Variants in MAD1L1 observed in about 807,000 individuals in gnomAD.
MAD1L1 encodes mitotic spindle assembly checkpoint protein MAD1.
A neutral mutation model predicts 96.9 loss-of-function variants in MAD1L1; 95 were observed. The ratio of observed to expected loss-of-function variants is 0.98; its 90% CI spans 0.83 to 1.16. The LOEUF (loss-of-function observed/expected upper bound fraction) is 1.16. Ranked by LOEUF, MAD1L1 falls within the 50% of genes most tolerant of loss-of-function variation. The pLI is 0.00. For missense variants in MAD1L1, 1,007 were observed against 954.4 expected (o/e 1.06, Z -0.73); for synonymous variants, 473 against 396.6 (o/e 1.19, Z -2.29).
chr7:1,837,893 C>T (rs141451165), intron 18 of MAD1L1, among the ~76,000 whole-genome samples: 25 of 152,326 alleles, frequency 1.6e-4, no homozygotes, highest in African/African-American at 5.8e-4. Flanking sequence ...TCATCAATAA[C>T]GCAGACTCAG....
At chr7:2,121,261 C>A (rs950663684) in intron 11 of MAD1L1, among the ~76,000 whole-genome samples, 2 of 152,218 alleles carry the variant, frequency 1.3e-5, no homozygotes, top group Non-Finnish European at 2.9e-5. Flanking sequence ...AGAGGACAAG[C>A]CCAGATGCGG....
intron 10 of MAD1L1, among the ~76,000 whole-genome samples, chr7:2,150,019 T>C (rs568373642): frequency 2.0e-5 from 3 of 152,352 alleles, no homozygotes; most frequent in East Asian, 3.9e-4. Context: ...ATCCTTGTTC[T>C]TCTCTTCACC....
At chr7:2,048,243 G>A (rs1323845186) in intron 12 of MAD1L1, among the ~76,000 whole-genome samples, 1 of 152,198 alleles carries the variant, frequency 6.6e-6, no homozygotes, top group African/African-American at 2.4e-5. Flanking sequence ...CACCCTAGTC[G>A]GGCAGCGGGG....
In MAD1L1 at chr7:1,839,795, GC is replaced by G. The variant is rs1369905847; in HGVS notation, c.1999-23568del. Among the ~76,000 whole-genome samples the G allele has an allele frequency of 2.6e-5, 4 of 151,780 alleles. 1 individual carries two copies. The highest frequency in any genetic ancestry group is 6.8e-3 in the Middle Eastern group (2 of 294). Reference sequence around the variant, plus strand: ...AGAGACCATCTGGATGGAGGATGGGGCTGGTCCTGGCTTCTCACAGCTTGGG... The same window carrying G: ...AGAGACCATCTGGATGGAGGATGGGGTGGTCCTGGCTTCTCACAGCTTGGG... On this transcript the variant is annotated intron_variant, in intron 18 of 18. Transcript: ENST00000265854.
intron 17 of MAD1L1, among the ~76,000 whole-genome samples, chr7:1,908,619 C>A (rs1411466062): frequency 6.6e-6 from 1 of 152,252 alleles, no homozygotes; most frequent in South Asian, 2.1e-4. Flanking sequence ...TGTGTGCCTC[C>A]CACAGTGTTG....
intron 3 of MAD1L1, among the ~76,000 whole-genome samples, chr7:2,226,626 G>A (rs1337070839): frequency 2.0e-5 from 3 of 152,222 alleles, no homozygotes; most frequent in Non-Finnish European, 4.4e-5. Flanking sequence ...CCAGAGCCTT[G>A]CAGTGCAGCA....
intron 16 of MAD1L1, among the ~76,000 whole-genome samples, chr7:1,953,763 T>C (rs1036288216): frequency 6.6e-6 from 1 of 152,226 alleles, no homozygotes; most frequent in Non-Finnish European, 1.5e-5. Context: ...CTTTAAATGT[T>C]CATCATCAAA....
intron 16 of MAD1L1, among the ~76,000 whole-genome samples, chr7:1,946,797 G>A (rs1195771059): frequency 6.6e-6 from 1 of 152,374 alleles, no homozygotes; most frequent in Admixed American, 6.5e-5. Flanking sequence ...AGCGGTCTTG[G>A]AGGGGTCTGC....
At chr7:2,161,834 G>A (rs1367982091) in intron 10 of MAD1L1, among the ~76,000 whole-genome samples, 3 of 148,718 alleles carry the variant, frequency 2.0e-5, no homozygotes, top group African/African-American at 5.0e-5. Context: ...CTGACCGGCC[G>A]CCCTGTCTGG....
intron 17 of MAD1L1, among the ~76,000 whole-genome samples, chr7:1,913,233 TCC>T (rs2128451523): frequency 6.6e-6 from 1 of 151,858 alleles, no homozygotes; most frequent in African/African-American, 2.4e-5. Context: ...ACGGAACTGC[TCC>T]AGTAATTGGA....
At chr7:2,162,851 G>A (rs1790232144) in intron 10 of MAD1L1, among the ~76,000 whole-genome samples, 1 of 150,812 alleles carries the variant, frequency 6.6e-6, no homozygotes, top group Non-Finnish European at 1.5e-5. Context: ...TCGAACATGA[G>A]TCCATTAATT....
rs1162730051 is a variant in MAD1L1, at chr7:2,124,525, C to T, written c.1073+24627G>A. On this transcript the variant is annotated intron_variant, in intron 11 of 18. Transcript: ENST00000265854. Reference sequence around the variant, plus strand: ...GAGGGGACAGCCGGCCTGCATGTGGCCCACCCCAGCCAACAGAGGCAGACT... The same window carrying T: ...GAGGGGACAGCCGGCCTGCATGTGGTCCACCCCAGCCAACAGAGGCAGACT... 2.6e-5 allele frequency among the ~76,000 whole-genome samples: 4 copies of T among 152,322 alleles called. No homozygotes were observed. In the East Asian group the frequency reaches 7.7e-4, roughly 29 times the overall value.
chr7:2,182,218 A>G (rs1040584016), intron 10 of MAD1L1, among the ~76,000 whole-genome samples: 1 of 152,182 alleles, frequency 6.6e-6, no homozygotes, highest in African/African-American at 2.4e-5. Flanking sequence ...TTGTCCCACA[A>G]TAAGTCATTG....
chr7:1,865,783 G>A (rs1784750592), intron 18 of MAD1L1, among the ~76,000 whole-genome samples: 1 of 152,244 alleles, frequency 6.6e-6, no homozygotes, highest in South Asian at 2.1e-4. Context: ...CGGCTGCTAC[G>A]GGATCTACAG....
At chr7:2,015,935 G>A (rs1228641341) in intron 12 of MAD1L1, among the ~76,000 whole-genome samples, 1 of 152,260 alleles carries the variant, frequency 6.6e-6, no homozygotes, top group East Asian at 1.9e-4. Context: ...CTTGAGAGAT[G>A]GAGGATGAGG....
At chr7:1,993,405 A>G (rs1355887084) in intron 14 of MAD1L1, among the ~76,000 whole-genome samples, 2 of 152,236 alleles carry the variant, frequency 1.3e-5, no homozygotes, top group Non-Finnish European at 2.9e-5. Flanking sequence ...AGCTCCCTCT[A>G]AAGTTTACCG....
intron 10 of MAD1L1, among the ~76,000 whole-genome samples, chr7:2,170,635 G>A (rs1367161453): frequency 1.3e-5 from 2 of 152,184 alleles, no homozygotes; most frequent in African/African-American, 2.4e-5. Flanking sequence ...ATCCCTCCAA[G>A]TGCTGGAGTG....
chr7:2,217,985 C>T lies in MAD1L1; in HGVS notation c.655G>A (p.Ala219Thr). The T allele has an allele frequency of 1.2e-6, 2 of 1,614,082 alleles. No homozygotes were observed. The highest frequency in any genetic ancestry group is 1.3e-5 in the African/African-American group (1 of 75,026). Reference protein sequence around the residue: ...QELQASQEARADHEQQIKDLE... With the variant: ...QELQASQEARTDHEQQIKDLE... ...ACCTTAATCTGCTGCTCGTGGTCTG[C>T]TCTTGCTTCTTGGCTGGCCTGGAGT... The change falls in exon 7 of 19, where the codon GCA becomes ACA. Residue 219 changes from alanine (A) to threonine (T), a missense_variant. Physicochemically the swap from Ala to Thr is moderately conservative, Grantham distance 58. Coordinates refer to ENST00000265854, the MANE Select transcript of MAD1L1 (RefSeq NM_001013836.2).
At chr7:1,938,946 G>A (rs1208896634) in intron 16 of MAD1L1, among the ~76,000 whole-genome samples, 13 of 105,974 alleles carry the variant, frequency 1.2e-4, no homozygotes, top group Non-Finnish European at 2.0e-4. Flanking sequence ...CCAGGACCGG[G>A]ACCAGAGGCG....
Sources: gnomAD v4.1 joint callset for allele counts (sites outside exome capture counted in the v4.1 genomes callset) on GRCh38, gnomAD v4.1.1 for gene constraint, MANE v1.5 for transcripts, NCBI Gene and HGNC (gene_info 2026-07-23, HGNC 2026-07-21) for gene names.